Variants in RNF228 observed in about 807,000 individuals in gnomAD.
RNF228 encodes ring finger protein 228.
the RNF228 span, chr2:222,318,616 G>A: frequency 6.6e-6 from 1 of 152,566 alleles, no homozygotes; most frequent in South Asian, 2.1e-4. Flanking sequence ...CTGGCGGCCA[G>A]AAAACCAGCT....
At chr2:222,319,886 G>A in the RNF228 span, among the ~76,000 whole-genome samples, 3 of 152,050 alleles carry the variant, frequency 2.0e-5, no homozygotes, top group African/African-American at 4.8e-5. This position sits in a 1 kb window ranked among gnomAD's most constrained non-coding sequence, Gnocchi z 7.6. Flanking sequence ...AGTTGTAGCA[G>A]ATTTTGCACT....
the RNF228 span, among the ~76,000 whole-genome samples, chr2:222,316,776 T>G: frequency 6.6e-6 from 1 of 152,192 alleles, no homozygotes; most frequent in East Asian, 1.9e-4. Flanking sequence ...AACTCAACAG[T>G]TTTTAGTGCA....
chr2:222,317,757 A>G, the RNF228 span: 1 of 152,232 alleles, frequency 6.6e-6, no homozygotes, highest in Non-Finnish European at 1.5e-5. Context: ...TGTATACGAT[A>G]TATATCTTTT....
chr2:222,318,147 G>C, the RNF228 span: 1 of 152,240 alleles, frequency 6.6e-6, no homozygotes, highest in African/African-American at 2.4e-5. Flanking sequence ...TTTGAGAGAA[G>C]GGAGAACAGG....
the RNF228 span, among the ~76,000 whole-genome samples, chr2:222,314,919 A>G: frequency 6.6e-6 from 1 of 152,264 alleles, no homozygotes; most frequent in Non-Finnish European, 1.5e-5. Context: ...ACATGTTCAC[A>G]AAGATACCTT....
the RNF228 span, chr2:222,318,441 G>C: frequency 6.6e-6 from 1 of 152,256 alleles, no homozygotes; most frequent in East Asian, 1.9e-4. Flanking sequence ...CACTCTCAGC[G>C]CTCAGGATCT....
the RNF228 span, among the ~76,000 whole-genome samples, chr2:222,315,052 CA>C: frequency 2.0e-5 from 3 of 150,600 alleles, no homozygotes; most frequent in Non-Finnish European, 2.9e-5. Flanking sequence ...TAATTTTTCT[CA>C]AAACTCAAAG....
chr2:222,317,142 T>C, the RNF228 span: 1 of 152,192 alleles, frequency 6.6e-6, no homozygotes, highest in Non-Finnish European at 1.5e-5. Context: ...CATTTAAAAA[T>C]GTGAAATTTG....
At chr2:222,316,275 T>C in the RNF228 span, among the ~76,000 whole-genome samples, 7 of 152,216 alleles carry the variant, frequency 4.6e-5, no homozygotes, top group Non-Finnish European at 8.8e-5. Flanking sequence ...GACCACATCC[T>C]GCCACTCAGT....
At chr2:222,319,504 G>A in the RNF228 span, 2 of 143,774 alleles carry the variant, frequency 1.4e-5, no homozygotes, top group African/African-American at 2.5e-5. This position sits in a 1 kb window ranked among gnomAD's most constrained non-coding sequence, Gnocchi z 7.6. Context: ...GCGGGGGAGG[G>A]CGGCGGTGGC....
chr2:222,315,996 A>G, the RNF228 span, among the ~76,000 whole-genome samples: 4 of 152,190 alleles, frequency 2.6e-5, no homozygotes, highest in African/African-American at 9.7e-5. Flanking sequence ...CTCTACTGGT[A>G]GTAGAGGTGT....
the RNF228 span, chr2:222,317,861 A>G: frequency 6.6e-6 from 1 of 152,208 alleles, no homozygotes; most frequent in African/African-American, 2.4e-5. Context: ...TAGTTATTTC[A>G]CAGTATAAAA....
At chr2:222,315,210 GT>G in the RNF228 span, among the ~76,000 whole-genome samples, 1 of 152,064 alleles carries the variant, frequency 6.6e-6, no homozygotes, top group Non-Finnish European at 1.5e-5. Context: ...TAATTCCAGA[GT>G]GTCCCTTCAG....
the RNF228 span, chr2:222,319,226 G>T: frequency 3.1e-6 from 1 of 325,268 alleles, no homozygotes; most frequent in Non-Finnish European, 5.6e-6. The surrounding 1 kb of genome is among the most constrained non-coding windows in gnomAD (Gnocchi z 7.6). Flanking sequence ...GCGAGGGCGA[G>T]GGCGACCCGG....
chr2:222,314,291 C>G, the RNF228 span, among the ~76,000 whole-genome samples: 1 of 152,104 alleles, frequency 6.6e-6, no homozygotes, highest in Non-Finnish European at 1.5e-5. Flanking sequence ...GAAACAATGC[C>G]AATATATATT....
chr2:222,316,453 T>C, the RNF228 span, among the ~76,000 whole-genome samples: 1 of 152,206 alleles, frequency 6.6e-6, no homozygotes, highest in Admixed American at 6.5e-5. Flanking sequence ...AGAAGCAAAA[T>C]GTGGCTTCTG....
chr2:222,319,583 C>A, the RNF228 span, among the ~76,000 whole-genome samples: 5 of 146,108 alleles, frequency 3.4e-5, no homozygotes, highest in Non-Finnish European at 7.6e-5. The surrounding 1 kb of genome is among the most constrained non-coding windows in gnomAD (Gnocchi z 7.6). Context: ...GGAGGCGGTC[C>A]TGGGGCAGCG....
the RNF228 span, among the ~76,000 whole-genome samples, chr2:222,316,038 G>C: frequency 6.6e-6 from 1 of 151,922 alleles, no homozygotes; most frequent in African/African-American, 2.4e-5. Context: ...CCAAGATGAA[G>C]AGTTGCCATG....
the RNF228 span, chr2:222,318,896 AGT>A: frequency 6.6e-6 from 1 of 151,444 alleles, no homozygotes; most frequent in African/African-American, 2.4e-5. Context: ...GTTGGGAGAG[AGT>A]GTGAGTCCAG....
Sources: allele counts gnomAD v4.1 joint callset (sites outside exome capture counted in the v4.1 genomes callset), GRCh38; gene constraint gnomAD v4.1.1; non-coding constraint Gnocchi (gnomAD v3.1); transcripts MANE v1.5; gene names NCBI Gene and HGNC (gene_info 2026-07-23, HGNC 2026-07-21).